Variants in RGS7 observed in about 807,000 individuals in gnomAD.
The protein encoded by RGS7 is regulator of G-protein signaling 7.
RGS7 carries 27 observed loss-of-function variants against 81.1 expected under a neutral mutation model. The observed-to-expected ratio is 0.33, with a 90% CI of 0.25 to 0.46. The LOEUF (loss-of-function observed/expected upper bound fraction) is 0.46, where lower values mean the gene tolerates loss of function less well. Among genes scored for constraint, RGS7 ranks in the 20% least tolerant of loss-of-function variants. The pLI, the probability that RGS7 is intolerant of heterozygous loss-of-function variation, is 1.00. For missense variants in RGS7, 396 were observed against 607.4 expected (o/e 0.65, Z 3.66); for synonymous variants, 208 against 207.7 (o/e 1.00, Z -0.01).
chr1:241,087,080 C>G (rs2063493692), intron 3 of RGS7, among the ~76,000 whole-genome samples: 1 of 152,204 alleles, frequency 6.6e-6, no homozygotes. Context: ...CCCTCGAGGA[C>G]AGACAGCATG....
intron 3 of RGS7, among the ~76,000 whole-genome samples, chr1:241,050,704 A>G (rs2061203090): frequency 6.6e-6 from 1 of 151,954 alleles, no homozygotes; most frequent in Non-Finnish European, 1.5e-5. Context: ...CTCCTCCTCC[A>G]CAGCCTACTC....
chr1:241,108,823 T>A (rs368315316), intron 2 of RGS7, among the ~76,000 whole-genome samples: 1 of 152,166 alleles, frequency 6.6e-6, no homozygotes, highest in East Asian at 1.9e-4. Context: ...CTGCACAGAA[T>A]AATGAATTCT....
At chr1:241,088,555 CCT>C (rs1491581191) in intron 3 of RGS7, among the ~76,000 whole-genome samples, 20 of 152,184 alleles carry the variant, frequency 1.3e-4, no homozygotes, top group East Asian at 5.8e-4. Context: ...ACAATTACCC[CCT>C]GATTGACGTA....
At chr1:241,356,859 G>C (rs1200127819) in intron 1 of RGS7, 40 bp downstream of exon 1, 1 of 151,232 alleles carries the variant, frequency 6.6e-6, no homozygotes, top group Non-Finnish European at 1.5e-5. Flanking sequence ...GGAGGGCTCT[G>C]GGTGGCGCTG....
chr1:240,811,143 T>C (rs2103094203), intron 14 of RGS7, among the ~76,000 whole-genome samples: 1 of 152,280 alleles, frequency 6.6e-6, no homozygotes, highest in South Asian at 2.1e-4. Context: ...CAGGACTGCA[T>C]AAGTCATGGA....
intron 17 of RGS7, 111 bp downstream of exon 17, chr1:240,801,344 C>T: frequency 1.4e-6 from 1 of 723,520 alleles, no homozygotes; most frequent in Non-Finnish European, 2.5e-6. Context: ...AAAAGAAACA[C>T]TTTTGCTGTT....
chr1:241,135,933 A>G (rs2103062053), intron 2 of RGS7, among the ~76,000 whole-genome samples: 1 of 148,868 alleles, frequency 6.7e-6, no homozygotes, highest in Admixed American at 6.7e-5. Context: ...GACAGGACGA[A>G]TCCCTTGGGT....
chr1:240,827,877 A>C (rs985598149), intron 9 of RGS7, among the ~76,000 whole-genome samples: 13 of 151,066 alleles, frequency 8.6e-5, no homozygotes, highest in South Asian at 4.2e-4. Flanking sequence ...AAAAAAAAAA[A>C]AAAAAAAAAA....
intron 2 of RGS7, among the ~76,000 whole-genome samples, chr1:241,221,616 C>A (rs1210634114): frequency 6.6e-6 from 1 of 152,194 alleles, no homozygotes; most frequent in Non-Finnish European, 1.5e-5. Flanking sequence ...TGTGAAGGTA[C>A]TTTTGAATGA....
chr1:241,227,570 CAAAAA>C (rs5782179), intron 2 of RGS7, among the ~76,000 whole-genome samples: 18 of 103,724 alleles, frequency 1.7e-4, no homozygotes, highest in Admixed American at 3.2e-4. Flanking sequence ...CTGTCTCTAC[CAAAAA>C]AAAAAAAAAA....
In RGS7 at chr1:240,914,909, C is replaced by T. The variant is rs77514641; in HGVS notation, c.385+15808G>A. Among the ~76,000 whole-genome samples the T allele has an allele frequency of 1.1e-4, 16 of 152,200 alleles. No homozygotes were observed. In the East Asian group the frequency reaches 3.1e-3, roughly 29 times the overall value. On this transcript the variant is annotated intron_variant, in intron 6 of 18. Transcript: ENST00000440928. ...GAGTAACAGAAACCTTTGGGAAAAC[C>T]AACATTGGGATAGAAAAACTTAAAC...
At chr1:241,211,198 T>A (rs961867061) in intron 2 of RGS7, among the ~76,000 whole-genome samples, 1 of 152,068 alleles carries the variant, frequency 6.6e-6, no homozygotes, top group South Asian at 2.1e-4. Context: ...GTCAGGAGAA[T>A]CACTTGAACC....
chr1:240,880,741 T>C (rs891052672), intron 6 of RGS7, among the ~76,000 whole-genome samples: 3 of 152,192 alleles, frequency 2.0e-5, no homozygotes, highest in South Asian at 4.1e-4. Flanking sequence ...CAGAATTCCA[T>C]CCAATGCTAA....
chr1:241,309,590 A>C (rs2080386292), intron 2 of RGS7, among the ~76,000 whole-genome samples: 1 of 152,168 alleles, frequency 6.6e-6, no homozygotes, highest in Non-Finnish European at 1.5e-5. Flanking sequence ...ACTCGACAGG[A>C]AAGATATAGA....
Position 240,869,000 on chromosome 1 carries a change from C to T in RGS7, c.451-148G>A. 2.7e-6 allele frequency: 2 copies of T among 750,584 alleles called. No individual in the cohort carries two copies. The highest frequency in any genetic ancestry group is 4.7e-6 in the Non-Finnish European group (2 of 423,512). The allele number at this position is 750,584 out of a possible 1,614,324, so 46.5% of individuals were successfully genotyped here. A position where few individuals can be genotyped will look rare whatever the true frequency, so the allele number is the denominator to read the frequency against. ...TGGTTCTCAATGATAAGTCATGCTC[C>T]CTGAATTCAGCTCATCTTCATATTG... On this transcript the variant is annotated intron_variant, in intron 7 of 18. Transcript: ENST00000440928. The surrounding 1 kb of genome is among the most constrained non-coding windows in gnomAD (Gnocchi z 5.1).
intron 9 of RGS7, among the ~76,000 whole-genome samples, chr1:240,830,625 A>C (rs1222377327): frequency 1.3e-5 from 2 of 152,248 alleles, no homozygotes; most frequent in African/African-American, 4.8e-5. Context: ...TGCAGAGCAC[A>C]TGCGTTGAAA....
At chr1:241,159,864 TAAATC>T (rs143923302) in intron 2 of RGS7, among the ~76,000 whole-genome samples, 2,068 of 152,076 alleles carry the variant, frequency 0.014, 31 homozygotes, top group African/African-American at 0.047. Flanking sequence ...CTAGGAAAGT[TAAATC>T]AATATGGCAG....
intron 3 of RGS7, among the ~76,000 whole-genome samples, chr1:240,997,133 T>C (rs536912028): frequency 1.3e-5 from 2 of 151,918 alleles, no homozygotes; most frequent in East Asian, 3.9e-4. Flanking sequence ...ATTATTATCA[T>C]TATTATTATT....
intron 3 of RGS7, among the ~76,000 whole-genome samples, chr1:240,996,918 AT>A: frequency 6.6e-6 from 1 of 151,384 alleles, no homozygotes; most frequent in Non-Finnish European, 1.5e-5. Flanking sequence ...TTGCATTAAT[AT>A]TTTTTAAAAT....
Sources: gnomAD v4.1 joint callset for allele counts (sites outside exome capture counted in the v4.1 genomes callset) on GRCh38, gnomAD v4.1.1 for gene constraint, Gnocchi (gnomAD v3.1) non-coding constraint, MANE v1.5 for transcripts, NCBI Gene and HGNC (gene_info 2026-07-23, HGNC 2026-07-21) for gene names.